Variants in BMPR2 observed in about 807,000 individuals in gnomAD.
BMPR2 encodes bone morphogenetic protein receptor type-2.
BMPR2 carries 29 observed loss-of-function variants against 100.8 expected under a neutral mutation model. The observed-to-expected ratio is 0.29, with a 90% CI of 0.21 to 0.39. The LOEUF (loss-of-function observed/expected upper bound fraction) is 0.39. Among genes scored for constraint, BMPR2 ranks in the 10% least tolerant of loss-of-function variants. The pLI is 1.00. For synonymous variants in BMPR2, 382 were observed against 442.3 expected (o/e 0.86, Z 1.71); for missense variants, 1,011 against 1,274.5 (o/e 0.79, Z 3.15).
Position 202,465,807 on chromosome 2 carries a change from C to T in BMPR2, c.247+828C>T, listed in dbSNP as rs550999056. On this transcript the variant is annotated intron_variant, in intron 2 of 12. Coordinates refer to ENST00000374580, the MANE Select transcript of BMPR2 (RefSeq NM_001204.7). ...GGCGGAGCTTGCAGTGAGCCGAGAT[C>T]GCACCACTGCACTCCAGCCTGGGCG... Among the ~76,000 whole-genome samples, 139 of 151,938 alleles carry T rather than the reference C, an allele frequency of 9.1e-4. 1 individual carries two copies. Among genetic ancestry groups the T allele is most frequent in the African/African-American group, 3.1e-3 (130 of 41,430 alleles).
At chr2:202,394,094 A>G (rs1209989258) in intron 1 of BMPR2, among the ~76,000 whole-genome samples, 1 of 152,212 alleles carries the variant, frequency 6.6e-6, no homozygotes, top group Non-Finnish European at 1.5e-5. Context: ...TCATGCCTGT[A>G]ATCCCAGCAC....
intron 2 of BMPR2, among the ~76,000 whole-genome samples, chr2:202,466,241 C>G (rs1301734691): frequency 1.3e-5 from 2 of 152,142 alleles, no homozygotes; most frequent in Non-Finnish European, 2.9e-5. Flanking sequence ...TTTATATTCT[C>G]TCCAACACTG....
At chr2:202,386,953 G>C (rs1478779996) in intron 1 of BMPR2, among the ~76,000 whole-genome samples, 2 of 152,124 alleles carry the variant, frequency 1.3e-5, no homozygotes, top group Non-Finnish European at 2.9e-5. Flanking sequence ...AAAGTGCTAG[G>C]ATTACAGGTG....
intron 3 of BMPR2, among the ~76,000 whole-genome samples, chr2:202,472,810 A>G (rs1692462410): frequency 6.6e-6 from 1 of 152,222 alleles, no homozygotes. Flanking sequence ...GGAATCAGTA[A>G]TGCTATTGCA....
At chr2:202,460,882 GCCCTAGTAA>G (rs1692212665) in intron 1 of BMPR2, among the ~76,000 whole-genome samples, 1 of 143,754 alleles carries the variant, frequency 7.0e-6, no homozygotes, top group African/African-American at 2.6e-5. Flanking sequence ...CTACAGTATT[GCCCTAGTAA>G]CCCAGACTCT....
chr2:202,456,063 CAAAAAAAAAAAAAAAAAAAAAA>C (rs750470872), intron 1 of BMPR2, among the ~76,000 whole-genome samples: 13,188 of 36,808 alleles, frequency 0.36, 1,177 homozygotes, highest in Admixed American at 0.44. Context: ...AGACCCGTCT[CAAAAAAAAAAAAAAAAAAAAAA>C]AAAAAAAAAA....
At chr2:202,420,649 T>G (rs1367300941) in intron 1 of BMPR2, among the ~76,000 whole-genome samples, 1 of 146,964 alleles carries the variant, frequency 6.8e-6, no homozygotes, top group Non-Finnish European at 1.5e-5. Flanking sequence ...CGAGTTCAAG[T>G]GATTCTCTTG....
chr2:202,391,783 G>C (rs1375388623), intron 1 of BMPR2, among the ~76,000 whole-genome samples: 1 of 149,568 alleles, frequency 6.7e-6, no homozygotes, highest in Non-Finnish European at 1.5e-5. Flanking sequence ...TTTTTTTTGA[G>C]ATGGAGTCGC....
chr2:202,544,489 T>C (rs1688337850), intron 10 of BMPR2, among the ~76,000 whole-genome samples: 4 of 152,240 alleles, frequency 2.6e-5, no homozygotes, highest in Non-Finnish European at 5.9e-5. Context: ...ACAATCTCCA[T>C]GTGCTCTAGG....
chr2:202,513,606 A>T (rs564870565), intron 3 of BMPR2, 113 bp from the exon 4 acceptor site: 1 of 690,252 alleles, frequency 1.4e-6, no homozygotes, highest in Admixed American at 2.7e-5. Flanking sequence ...TGATGCAAAA[A>T]CATTACTAAT....
intron 10 of BMPR2, among the ~76,000 whole-genome samples, chr2:202,547,575 G>T (rs1688397236): frequency 6.6e-6 from 1 of 151,800 alleles, no homozygotes; most frequent in Non-Finnish European, 1.5e-5. Context: ...TTGACGTCAG[G>T]AGTTCGAGAC....
At chr2:202,547,135 G>A (rs1688390085) in intron 10 of BMPR2, among the ~76,000 whole-genome samples, 1 of 151,918 alleles carries the variant, frequency 6.6e-6, no homozygotes, top group South Asian at 2.1e-4. Flanking sequence ...AAAAATTATA[G>A]GCCACGTTTA....
At chr2:202,393,882 CGA>C (rs56708616) in intron 1 of BMPR2, among the ~76,000 whole-genome samples, 6,030 of 97,588 alleles carry the variant, frequency 0.062, 213 homozygotes, top group Middle Eastern at 0.079. Flanking sequence ...AATGAGAGAG[CGA>C]GAGAGAGAGA....
At chr2:202,508,161 T>C (rs2350808) in intron 3 of BMPR2, among the ~76,000 whole-genome samples, 19,052 of 150,636 alleles carry the variant, frequency 0.13, 1,314 homozygotes, top group Admixed American at 0.14. Flanking sequence ...GGTGTGATCT[T>C]GGCTTACTGC....
At chr2:202,521,879 G>A (rs1390138283) in intron 7 of BMPR2, among the ~76,000 whole-genome samples, 2 of 152,156 alleles carry the variant, frequency 1.3e-5, no homozygotes, top group Admixed American at 1.3e-4. Flanking sequence ...ACTTTGGCTG[G>A]CATGGTGACT....
At chr2:202,535,190 C>G (rs1195027380) in intron 9 of BMPR2, among the ~76,000 whole-genome samples, 1 of 150,948 alleles carries the variant, frequency 6.6e-6, no homozygotes, top group African/African-American at 2.4e-5. Context: ...GGCTGACCCC[C>G]CCCACCTCCC....
At chr2:202,494,745 C>CA (rs1333024381) in intron 3 of BMPR2, among the ~76,000 whole-genome samples, 1 of 152,046 alleles carries the variant, frequency 6.6e-6, no homozygotes, top group African/African-American at 2.4e-5. Flanking sequence ...AAATAGACAA[C>CA]AAAAAATAGG....
intron 1 of BMPR2, among the ~76,000 whole-genome samples, chr2:202,457,249 A>G (rs1187509036): frequency 6.6e-6 from 1 of 152,058 alleles, no homozygotes; most frequent in Non-Finnish European, 1.5e-5. Flanking sequence ...AGAATAATAA[A>G]TAGCCTTATA....
At chr2:202,448,955 G>A (rs1691915736) in intron 1 of BMPR2, among the ~76,000 whole-genome samples, 1 of 150,884 alleles carries the variant, frequency 6.6e-6, no homozygotes, top group Non-Finnish European at 1.5e-5. Context: ...GTGTGTGTGT[G>A]TGTGTGTATT....
Sources: gnomAD v4.1 joint callset for allele counts (sites outside exome capture counted in the v4.1 genomes callset) on GRCh38, gnomAD v4.1.1 for gene constraint, MANE v1.5 for transcripts, NCBI Gene and HGNC (gene_info 2026-07-23, HGNC 2026-07-21) for gene names.